SPON1: variants seen among roughly 807,000 people sequenced by gnomAD.
SPON1 encodes spondin 1.
Under a neutral mutation model 111.7 loss-of-function variants are expected in SPON1, and 52 were observed. The ratio of observed to expected loss-of-function variants is 0.47; its 90% CI spans 0.37 to 0.59. The LOEUF (loss-of-function observed/expected upper bound fraction) is 0.59, where lower values mean the gene tolerates loss of function less well. Ranked by LOEUF, SPON1 falls within the 20% of genes least tolerant of loss-of-function variation. The pLI is 0.00. For synonymous variants in SPON1, 410 were observed against 395.8 expected, an observed-to-expected ratio of 1.04 and a Z score of -0.43; for missense variants, 957 against 1,068.5, an observed-to-expected ratio of 0.90 and a Z score of 1.46.
At position 14,262,698 on chromosome 11, in the gene SPON1, CTG is replaced by C. The variant is rs1849200760; in HGVS notation, c.1997-10_1997-9del. 1.9e-6 allele frequency: 3 copies of C among 1,613,706 alleles called. No homozygotes were observed. Among genetic ancestry groups the C allele is most frequent in the East Asian group, 2.2e-5 (1 of 44,872 alleles). On this transcript the variant is annotated splice_polypyrimidine_tract_variant and intron_variant, in intron 14 of 15. Transcript: ENST00000576479. ...AGACATGTGATACACTCATGCCCATCTGTGTCTTGCCAGCCATTGACTGTGAG... is the reference window on the plus strand; with the variant it reads ...AGACATGTGATACACTCATGCCCATCTGTCTTGCCAGCCATTGACTGTGAG...
chr11:14,050,885 C>T (rs1295304547), intron 3 of SPON1, among the ~76,000 whole-genome samples: 2 of 152,172 alleles, frequency 1.3e-5, no homozygotes, highest in Non-Finnish European at 2.9e-5. Context: ...GAGATGCATA[C>T]ATGTGAGTAT....
intron 6 of SPON1, among the ~76,000 whole-genome samples, chr11:14,218,204 C>T (rs1215093098): frequency 1.3e-5 from 2 of 152,160 alleles, no homozygotes; most frequent in Non-Finnish European, 2.9e-5. Flanking sequence ...TATCTGTGAC[C>T]ATTCCTTACA....
In SPON1 at chr11:14,112,448, C is replaced by T. The variant is rs945671515; in HGVS notation, c.677-22972C>T. Among the ~76,000 whole-genome samples, 7 of 152,170 alleles carry T rather than the reference C, an allele frequency of 4.6e-5. 1 individual carries two copies. Among genetic ancestry groups the T allele is most frequent in the Admixed American group, 3.9e-4 (6 of 15,274 alleles). Reference sequence around the variant, plus strand: ...TCCACCACTTATTACCTGCAAGAGGCTAGGCAAGACATTTAACTCCTCTGT... The same window carrying T: ...TCCACCACTTATTACCTGCAAGAGGTTAGGCAAGACATTTAACTCCTCTGT... On this transcript the variant is annotated intron_variant, in intron 5 of 15. Transcript: ENST00000576479.
intron 6 of SPON1, among the ~76,000 whole-genome samples, chr11:14,139,282 T>G (rs1181091361): frequency 6.6e-6 from 1 of 152,212 alleles, no homozygotes; most frequent in African/African-American, 2.4e-5. Flanking sequence ...ACTGGTGAAC[T>G]CCTATTCATC....
At chr11:14,009,881 A>G (rs1554913532) in intron 2 of SPON1, among the ~76,000 whole-genome samples, 1 of 152,130 alleles carries the variant, frequency 6.6e-6, no homozygotes, top group Non-Finnish European at 1.5e-5. Context: ...TCACTTAATC[A>G]CTTCCCAAAG....
intron 6 of SPON1, among the ~76,000 whole-genome samples, chr11:14,189,896 T>C (rs558804190): frequency 6.6e-6 from 1 of 152,326 alleles, no homozygotes; most frequent in African/African-American, 2.4e-5. Context: ...GACAGTTAGC[T>C]GGTCAAAAAT....
At chr11:13,979,705 G>T (rs1228102916) in intron 1 of SPON1, among the ~76,000 whole-genome samples, 1 of 152,132 alleles carries the variant, frequency 6.6e-6, no homozygotes, top group Non-Finnish European at 1.5e-5. Flanking sequence ...TGAGGACCAG[G>T]GACACAAGAG....
At chr11:13,975,811 T>TTGTTCCTGAGGACCAGCTCTTTGAA (rs1799920410) in intron 1 of SPON1, among the ~76,000 whole-genome samples, 5 of 152,218 alleles carry the variant, frequency 3.3e-5, no homozygotes, top group Admixed American at 1.3e-4. Flanking sequence ...GGTTCAATCA[T>TTGTTCCTGAGGACCAGCTCTTTGAA]TGTTCCTGAG....
chr11:13,988,534 T>A (rs1848203074), intron 2 of SPON1, among the ~76,000 whole-genome samples: 1 of 152,198 alleles, frequency 6.6e-6, no homozygotes, highest in South Asian at 2.1e-4. Context: ...TTGAATACCC[T>A]TTATTTCTTT....
intron 6 of SPON1, among the ~76,000 whole-genome samples, chr11:14,177,214 G>A (rs1848187208): frequency 6.6e-6 from 1 of 152,122 alleles, no homozygotes; most frequent in East Asian, 1.9e-4. Context: ...CTAATTTTTT[G>A]TATTTTTAGT....
chr11:14,091,286 G>A (rs569892156), intron 5 of SPON1, among the ~76,000 whole-genome samples: 1 of 152,320 alleles, frequency 6.6e-6, no homozygotes, highest in Non-Finnish European at 1.5e-5. Flanking sequence ...CCGCACCGGG[G>A]CTGCAGGTGG....
chr11:14,227,861 C>T lies in SPON1; in HGVS notation c.826-15471C>T, dbSNP rs1052437010. 2.0e-5 allele frequency among the ~76,000 whole-genome samples: 3 copies of T among 152,094 alleles called. No homozygotes were observed. The East Asian group carries it at 5.8e-4, about 29-fold the overall frequency. On this transcript the variant is annotated intron_variant, in intron 6 of 15. Coordinates refer to ENST00000576479, the MANE Select transcript of SPON1 (RefSeq NM_006108.4). ...CAAAATTAAATAATTCCCAAACCTGCGTAATGTATAGATCTCTTTTAAAGG... is the reference window on the plus strand; with the variant it reads ...CAAAATTAAATAATTCCCAAACCTGTGTAATGTATAGATCTCTTTTAAAGG...
chr11:13,984,868 C>T (rs1309918244), intron 2 of SPON1, among the ~76,000 whole-genome samples: 3 of 152,238 alleles, frequency 2.0e-5, no homozygotes, highest in Admixed American at 6.5e-5. Flanking sequence ...ACTCTTTCTG[C>T]TAGTGTCCAG....
intron 2 of SPON1, among the ~76,000 whole-genome samples, chr11:13,984,523 A>G (rs1286747524): frequency 2.0e-5 from 3 of 152,164 alleles, no homozygotes; most frequent in Non-Finnish European, 4.4e-5. Flanking sequence ...ACTCACCTTT[A>G]TAACAAATCC....
At chr11:14,175,574 C>G (rs1340689559) in intron 6 of SPON1, among the ~76,000 whole-genome samples, 3 of 152,162 alleles carry the variant, frequency 2.0e-5, no homozygotes, top group African/African-American at 7.2e-5. Flanking sequence ...CAGCCTAAGA[C>G]TAGTCTCACA....
chr11:14,243,536 A>G lies in SPON1; in HGVS notation c.890+140A>G, dbSNP rs1162008808. ...TTAACAAGCAGGCAAGATGCTTTCT[A>G]TGTGCAGAGCATCACACCTGCCCCA... On this transcript the variant is annotated intron_variant, in intron 7 of 15. Transcript: ENST00000576479. 40 of 733,512 alleles carry G rather than the reference A, an allele frequency of 5.5e-5. 1 individual carries two copies. The highest frequency in any genetic ancestry group is 6.4e-5 in the Non-Finnish European group (27 of 420,658). The allele number at this position is 733,512 out of a possible 1,614,324, so 45.4% of individuals were successfully genotyped here. A position where few individuals can be genotyped will look rare whatever the true frequency, so the allele number is the denominator to read the frequency against.
At chr11:13,964,690 G>A (rs763135549) in intron 1 of SPON1, among the ~76,000 whole-genome samples, 2 of 152,192 alleles carry the variant, frequency 1.3e-5, no homozygotes, top group African/African-American at 4.8e-5. Context: ...CCCAGCCCGG[G>A]AGGGAGCGCG....
At position 14,259,122 on chromosome 11, in the gene SPON1, G is replaced by C. The variant is rs1189781896; in HGVS notation, c.1493-158G>C. On this transcript the variant is annotated intron_variant, in intron 11 of 15. Coordinates refer to ENST00000576479, the MANE Select transcript of SPON1 (RefSeq NM_006108.4). This position sits in a 1 kb window ranked among gnomAD's most constrained non-coding sequence, Gnocchi z 5.0. ...TGGAAAAGAGGCATTTCCTCTTAGA[G>C]AACTTTGCCAGTTTAAGGATTTAGA... Among the ~76,000 whole-genome samples, 3 of 152,236 alleles carry C rather than the reference G, an allele frequency of 2.0e-5. No homozygotes were observed. The highest frequency in any genetic ancestry group is 7.2e-5 in the African/African-American group (3 of 41,476).
intron 2 of SPON1, among the ~76,000 whole-genome samples, chr11:13,985,173 T>C (rs1292877388): frequency 2.0e-5 from 3 of 152,218 alleles, no homozygotes; most frequent in Admixed American, 6.5e-5. Flanking sequence ...ATTATTCTAA[T>C]GAGACATAGA....
Sources: allele counts gnomAD v4.1 joint callset (sites outside exome capture counted in the v4.1 genomes callset), GRCh38; gene constraint gnomAD v4.1.1; non-coding constraint Gnocchi (gnomAD v3.1); transcripts MANE v1.5; gene names NCBI Gene and HGNC (gene_info 2026-07-23, HGNC 2026-07-21).